Variants in RNF121 observed in about 807,000 individuals in gnomAD.
RNF121 encodes E3 ubiquitin ligase RNF121.
A neutral mutation model predicts 46.5 loss-of-function variants in RNF121; 21 were observed. The ratio of observed to expected loss-of-function variants is 0.45; its 90% CI spans 0.32 to 0.65. The LOEUF (loss-of-function observed/expected upper bound fraction) is 0.65. Among genes scored for constraint, RNF121 ranks in the 30% least tolerant of loss-of-function variants. RNF121 has a pLI of 0.04. For synonymous variants in RNF121, 139 were observed against 144.7 expected, an observed-to-expected ratio of 0.96 and a Z score of 0.28; for missense variants, 346 against 416.0, an observed-to-expected ratio of 0.83 and a Z score of 1.46.
At chr11:71,971,896 G>C (rs1322313863) in intron 3 of RNF121, among the ~76,000 whole-genome samples, 1 of 152,200 alleles carries the variant, frequency 6.6e-6, no homozygotes, top group Non-Finnish European at 1.5e-5. Flanking sequence ...CACATACCCT[G>C]TGACACATCC....
chr11:71,973,880 T>C (rs993349221), intron 3 of RNF121, among the ~76,000 whole-genome samples: 1 of 152,140 alleles, frequency 6.6e-6, no homozygotes, highest in African/African-American at 2.4e-5. Flanking sequence ...AGAAGAAATA[T>C]AAAATTTAAA....
intron 1 of RNF121, among the ~76,000 whole-genome samples, chr11:71,955,248 A>G (rs1953966329): frequency 6.6e-6 from 1 of 152,174 alleles, no homozygotes. Flanking sequence ...CTGTTAGACC[A>G]CTTAGAAAGG....
chr11:71,965,158 A>G (rs777767496), intron 3 of RNF121, among the ~76,000 whole-genome samples: 35 of 152,330 alleles, frequency 2.3e-4, no homozygotes, highest in Non-Finnish European at 3.5e-4. Flanking sequence ...TATGACATCC[A>G]TTAGGTTCTG....
intron 1 of RNF121, among the ~76,000 whole-genome samples, chr11:71,954,697 G>A (rs1434966704): frequency 6.6e-6 from 1 of 152,170 alleles, no homozygotes; most frequent in Non-Finnish European, 1.5e-5. Context: ...GCCTGGCCCA[G>A]TATTCCAGAT....
At chr11:71,976,345 C>CTT (rs35710756) in intron 3 of RNF121, among the ~76,000 whole-genome samples, 21 of 46,066 alleles carry the variant, frequency 4.6e-4, no homozygotes, top group East Asian at 7.9e-4. Flanking sequence ...TGGGTATATT[C>CTT]TTTTTTTTTT....
intron 2 of RNF121, among the ~76,000 whole-genome samples, 182 bp downstream of exon 2, chr11:71,957,446 C>T (rs1954015441): frequency 6.6e-6 from 1 of 152,144 alleles, no homozygotes; most frequent in Non-Finnish European, 1.5e-5. Flanking sequence ...AATGTGTAAG[C>T]AGATGATTGC....
intron 6 of RNF121, among the ~76,000 whole-genome samples, chr11:71,992,602 G>A (rs1264647895): frequency 6.6e-6 from 1 of 152,178 alleles, no homozygotes; most frequent in African/African-American, 2.4e-5. Flanking sequence ...AGGACATACT[G>A]TATTTGAGAA....
chr11:71,950,411 C>T (rs1441679924), intron 1 of RNF121, among the ~76,000 whole-genome samples: 1 of 152,016 alleles, frequency 6.6e-6, no homozygotes, highest in African/African-American at 2.4e-5. Flanking sequence ...TGATGAAACC[C>T]TGTCTCTACT....
At chr11:71,932,871 A>G (rs1166823231) in intron 1 of RNF121, among the ~76,000 whole-genome samples, 1 of 152,220 alleles carries the variant, frequency 6.6e-6, no homozygotes, top group East Asian at 1.9e-4. Flanking sequence ...CCTTTAACTT[A>G]CTGATAACTG....
At chr11:71,929,187 A>T (rs377025326) in intron 1 of RNF121, 63 bp downstream of exon 1, 2 of 1,520,716 alleles carry the variant, frequency 1.3e-6, no homozygotes, top group Non-Finnish European at 1.8e-6. Flanking sequence ...GCAGTGAGGT[A>T]TCGGGAGGTG....
At position 71,981,525 on chromosome 11, in the gene RNF121, A is replaced by T. The variant is rs142482538; in HGVS notation, c.244-1236A>T. 2.0e-5 allele frequency among the ~76,000 whole-genome samples: 3 copies of T among 152,232 alleles called. No homozygotes were observed. The East Asian group carries it at 5.8e-4, about 29-fold the overall frequency. On this transcript the variant is annotated intron_variant, in intron 3 of 8. Transcript: ENST00000361756. ...CTATCTTTTTTTATACCTGCTACTC[A>T]CTGGAGAAGGATGACATCTAGTGAC...
chr11:71,974,798 C>A (rs2134195504), intron 3 of RNF121, among the ~76,000 whole-genome samples: 1 of 152,278 alleles, frequency 6.6e-6, no homozygotes, highest in African/African-American at 2.4e-5. Context: ...CCCAGCCTCT[C>A]CAGATTTCCC....
rs953634926 is a variant in RNF121 at position 71,965,721 on chromosome 11, G to A, written c.243+4830G>A. Among the ~76,000 whole-genome samples the A allele has an allele frequency of 3.9e-5, 6 of 152,224 alleles. No homozygotes were observed. The East Asian group carries it at 1.2e-3, about 29-fold the overall frequency. ...AGAATGCACTCCTAGAAATGAAATT[G>A]CCTGGTCAAAAAATATATGTGTTTT... On this transcript the variant is annotated intron_variant, in intron 3 of 8. Transcript: ENST00000361756.
chr11:71,996,874 CCT>C lies in RNF121; in HGVS notation c.*560_*561del, dbSNP rs1202367618. ...GGTGTTGCGTCTGACTCTGTCTCCCCCTGTCCAAGAGCTATAGGCTGGTTGAG... is the reference window on the plus strand; with the variant it reads ...GGTGTTGCGTCTGACTCTGTCTCCCCGTCCAAGAGCTATAGGCTGGTTGAG... On this transcript the variant is annotated 3_prime_UTR_variant, in exon 9 of 9. Transcript: ENST00000361756. 8 of 153,190 alleles carry C rather than the reference CCT, an allele frequency of 5.2e-5. No homozygotes were observed. The East Asian group carries it at 1.5e-3, about 29-fold the overall frequency. The allele number at this position is 153,190 out of a possible 1,614,324, so 9.5% of individuals were successfully genotyped here. A position where few individuals can be genotyped will look rare whatever the true frequency, so the allele number is the denominator to read the frequency against.
At chr11:71,966,265 C>G (rs1019960643) in intron 3 of RNF121, among the ~76,000 whole-genome samples, 1 of 152,184 alleles carries the variant, frequency 6.6e-6, no homozygotes, top group Non-Finnish European at 1.5e-5. Flanking sequence ...GTGATCCGCT[C>G]ACCTTGGCCT....
At chr11:71,962,636 G>C (rs1044919166) in intron 3 of RNF121, among the ~76,000 whole-genome samples, 1 of 152,164 alleles carries the variant, frequency 6.6e-6, no homozygotes, top group African/African-American at 2.4e-5. Context: ...TTGGTGAGAG[G>C]ATATGCTAAC....
At chr11:71,944,729 G>A (rs1328204500) in intron 1 of RNF121, among the ~76,000 whole-genome samples, 1 of 152,168 alleles carries the variant, frequency 6.6e-6, no homozygotes, top group South Asian at 2.1e-4. Context: ...ACAGTGACTC[G>A]AGAAGTACAT....
chr11:71,975,327 A>T (rs776366840), intron 3 of RNF121, among the ~76,000 whole-genome samples: 12 of 152,224 alleles, frequency 7.9e-5, no homozygotes, highest in Non-Finnish European at 1.6e-4. Context: ...TTTGAGTCTC[A>T]TCTACCTCTT....
intron 3 of RNF121, among the ~76,000 whole-genome samples, chr11:71,967,355 T>G (rs191922017): frequency 0.018 from 2,432 of 135,910 alleles, 79 homozygotes; most frequent in African/African-American, 0.062. Flanking sequence ...TTTTGTTTTT[T>G]TTTTTTTTTT....
Sources: allele counts gnomAD v4.1 joint callset (sites outside exome capture counted in the v4.1 genomes callset), GRCh38; gene constraint gnomAD v4.1.1; transcripts MANE v1.5; gene names NCBI Gene and HGNC (gene_info 2026-07-23, HGNC 2026-07-21).